Variants in ATG5 observed in about 807,000 individuals in gnomAD.
ATG5 encodes autophagy protein 5.
A neutral mutation model predicts 36.5 loss-of-function variants in ATG5; 14 were observed. The observed-to-expected ratio is 0.38, with a 90% confidence interval of 0.25 to 0.60. ATG5 has a LOEUF of 0.60. ATG5 is among the 20% of genes least tolerant of loss of function. The pLI, the probability that ATG5 is intolerant of heterozygous loss-of-function variation, is 0.60. For synonymous variants in ATG5, 95 were observed against 101.5 expected (o/e 0.94, Z 0.38); for missense variants, 195 against 326.7 (o/e 0.60, Z 3.11).
intron 7 of ATG5, among the ~76,000 whole-genome samples, chr6:106,189,274 CA>C (rs1775884058): frequency 6.6e-6 from 1 of 151,920 alleles, no homozygotes. Context: ...TAAATAACAA[CA>C]AAGTATGAAG....
At chr6:106,250,330 C>T (rs1778523749) in intron 5 of ATG5, among the ~76,000 whole-genome samples, 1 of 152,168 alleles carries the variant, frequency 6.6e-6, no homozygotes, top group Non-Finnish European at 1.5e-5. Context: ...CTCTAATCTT[C>T]AACTCCAATG....
intron 6 of ATG5, among the ~76,000 whole-genome samples, chr6:106,243,238 AC>A (rs1179291823): frequency 6.6e-6 from 1 of 152,246 alleles, no homozygotes; most frequent in East Asian, 1.9e-4. Flanking sequence ...CAAATGAACA[AC>A]TTTACATTCA....
intron 5 of ATG5, among the ~76,000 whole-genome samples, chr6:106,249,953 T>A (rs1236467225): frequency 6.6e-6 from 1 of 152,254 alleles, no homozygotes; most frequent in Non-Finnish European, 1.5e-5. Flanking sequence ...GTTGTCTTTT[T>A]ATTGTTGAGT....
At chr6:106,193,495 T>TA (rs1344950534) in intron 7 of ATG5, among the ~76,000 whole-genome samples, 3 of 152,112 alleles carry the variant, frequency 2.0e-5, no homozygotes, top group East Asian at 1.9e-4. Flanking sequence ...TTAAATAATA[T>TA]AAAAAATCCC....
intron 6 of ATG5, among the ~76,000 whole-genome samples, chr6:106,233,206 G>T (rs1286866939): frequency 6.6e-6 from 1 of 152,194 alleles, no homozygotes; most frequent in Non-Finnish European, 1.5e-5. Context: ...ATTATCCAAA[G>T]GCACCAGGGC....
At chr6:106,275,087 G>T (rs1250441921) in intron 5 of ATG5, among the ~76,000 whole-genome samples, 1 of 152,168 alleles carries the variant, frequency 6.6e-6, no homozygotes, top group Non-Finnish European at 1.5e-5. Context: ...ATAAATATCT[G>T]TTGACTAAAA....
In ATG5 at chr6:106,320,604, C is replaced by T. The variant is rs566979569; in HGVS notation, c.-58-4338G>A. Among the ~76,000 whole-genome samples the T allele has an allele frequency of 8.8e-5, 13 of 148,412 alleles. No homozygotes were observed. In the South Asian group the frequency reaches 2.8e-3, roughly 32 times the overall value. On this transcript the variant is annotated intron_variant, in intron 1 of 7. Coordinates refer to ENST00000369076, the MANE Select transcript of ATG5 (RefSeq NM_004849.4). ...TACTTGTGAAGTGGAATTAATATTA[C>T]CCAAGTCAAAAGGCTGTTCTGAAAA...
In ATG5 at chr6:106,262,469, C is replaced by CA. The variant is rs1314163154; in HGVS notation, c.479-14226dup. ...GGTGGTAAGAAGCTAACAGACAAAA[C>CA]AAAAAAGGATTAGAAAAGTAAGTAC... On this transcript the variant is annotated intron_variant, in intron 5 of 7. Coordinates refer to ENST00000369076, the MANE Select transcript of ATG5 (RefSeq NM_004849.4). Among the ~76,000 whole-genome samples, 2 of 151,862 alleles carry CA rather than the reference C, an allele frequency of 1.3e-5. 1 individual carries two copies. The highest frequency in any genetic ancestry group is 1.3e-4 in the Admixed American group (2 of 15,272).
intron 5 of ATG5, among the ~76,000 whole-genome samples, chr6:106,264,220 TG>T (rs1185961773): frequency 6.6e-6 from 1 of 151,804 alleles, no homozygotes; most frequent in African/African-American, 2.4e-5. Flanking sequence ...ATAGCCAAAC[TG>T]ATCAAGTGGA....
intron 5 of ATG5, among the ~76,000 whole-genome samples, chr6:106,265,061 G>A (rs753596641): frequency 5.3e-5 from 8 of 151,290 alleles, no homozygotes; most frequent in Admixed American, 2.0e-4. Flanking sequence ...TGGATAAAGC[G>A]TCAAGACCCA....
intron 1 of ATG5, among the ~76,000 whole-genome samples, chr6:106,323,876 T>C (rs1327575040): frequency 6.6e-6 from 1 of 152,176 alleles, no homozygotes; most frequent in African/African-American, 2.4e-5. Context: ...CTTGGCCCCA[T>C]TTCCACCTAA....
At chr6:106,285,247 T>C (rs1316977184) in intron 4 of ATG5, among the ~76,000 whole-genome samples, 1 of 152,246 alleles carries the variant, frequency 6.6e-6, no homozygotes, top group Non-Finnish European at 1.5e-5. Context: ...TAAGCAGTTC[T>C]ACAATTTTGT....
chr6:106,271,192 C>T (rs1779438688), intron 5 of ATG5, among the ~76,000 whole-genome samples: 1 of 152,202 alleles, frequency 6.6e-6, no homozygotes, highest in South Asian at 2.1e-4. Context: ...TCGGGCCACA[C>T]TTCCTCCTCA....
intron 5 of ATG5, among the ~76,000 whole-genome samples, chr6:106,251,638 AGAGAGAGAGGGAGG>A (rs1562237489): frequency 5.0e-3 from 2 of 402 alleles, no homozygotes; most frequent in Non-Finnish European, 0.01. Context: ...CTAATCAGAG[AGAGAGAGAGGGAGG>A]GAGGGAGGAA....
intron 5 of ATG5, among the ~76,000 whole-genome samples, chr6:106,252,752 C>T (rs1778646041): frequency 6.6e-6 from 1 of 152,206 alleles, no homozygotes; most frequent in African/African-American, 2.4e-5. Context: ...CTAGGACCCT[C>T]ATGCAGGAAA....
chr6:106,249,814 A>T (rs531637957), intron 5 of ATG5, among the ~76,000 whole-genome samples: 1 of 152,338 alleles, frequency 6.6e-6, no homozygotes, highest in East Asian at 1.9e-4. Context: ...GGCAGGCATC[A>T]AGAAGTATCT....
At chr6:106,310,496 T>C (rs866324368) in intron 2 of ATG5, among the ~76,000 whole-genome samples, 4 of 152,148 alleles carry the variant, frequency 2.6e-5, no homozygotes, top group Admixed American at 6.5e-5. Context: ...CTGCAGACTA[T>C]ATATACTACT....
chr6:106,319,617 T>C (rs1296342483), intron 1 of ATG5, among the ~76,000 whole-genome samples: 1 of 152,204 alleles, frequency 6.6e-6, no homozygotes, highest in African/African-American at 2.4e-5. Flanking sequence ...CAGCTCAAAA[T>C]AACCTTTCTT....
intron 6 of ATG5, among the ~76,000 whole-genome samples, chr6:106,234,904 C>G (rs1292530249): frequency 1.3e-5 from 2 of 152,322 alleles, no homozygotes; most frequent in East Asian, 3.9e-4. Context: ...ATCAGTAGTC[C>G]TTCAAAATTG....
Sources: allele counts gnomAD v4.1 joint callset (sites outside exome capture counted in the v4.1 genomes callset), GRCh38; gene constraint gnomAD v4.1.1; transcripts MANE v1.5; gene names NCBI Gene and HGNC (gene_info 2026-07-23, HGNC 2026-07-21).